MINAR1: variants seen among roughly 807,000 people sequenced by gnomAD.
The protein encoded by MINAR1 is major intrinsically disordered Notch2-binding receptor 1.
MINAR1 carries 40 observed loss-of-function variants against 65.1 expected under a neutral mutation model. The ratio of observed to expected loss-of-function variants is 0.61; its 90% confidence interval spans 0.48 to 0.80. The LOEUF (loss-of-function observed/expected upper bound fraction) is 0.80. MINAR1 is among the 30% of genes least tolerant of loss of function. The pLI, the probability that MINAR1 is intolerant of heterozygous loss-of-function variation, is 0.00. For synonymous variants in MINAR1, 482 were observed against 449.1 expected (o/e 1.07, Z -0.93); for missense variants, 1,128 against 1,148.0 (o/e 0.98, Z 0.25).
Position 79,471,413 on chromosome 15 carries a change from A to G in MINAR1, c.*3029A>G, listed in dbSNP as rs1459537635. The G allele has an allele frequency of 6.6e-6, 1 of 152,668 alleles. No individual in the cohort carries two copies. The highest frequency in any genetic ancestry group is 2.4e-5 in the African/African-American group (1 of 41,458). The allele number at this position is 152,668 out of a possible 1,614,324, so 9.5% of individuals were successfully genotyped here. Reference sequence around the variant, plus strand: ...GAATTTGTTTTGAACACAGCCTTGCAGAAAAGCAAAAAATATTTCCCCGCT... The same window carrying G: ...GAATTTGTTTTGAACACAGCCTTGCGGAAAAGCAAAAAATATTTCCCCGCT... On this transcript the variant is annotated 3_prime_UTR_variant, in exon 4 of 4. Transcript: ENST00000305428.
At chr15:79,444,097 G>T (rs899430797) in intron 1 of MINAR1, among the ~76,000 whole-genome samples, 12 of 152,148 alleles carry the variant, frequency 7.9e-5, no homozygotes, top group African/African-American at 2.9e-4. Flanking sequence ...GTTAAGGCCC[G>T]GGTTCACACA....
At chr15:79,417,494 A>G in the MINAR1 span, 1 of 152,148 alleles carries the variant, frequency 6.6e-6, no homozygotes, top group Non-Finnish European at 1.5e-5. Context: ...TTAGTGTCTG[A>G]CTTTGTGTGG....
the MINAR1 span, chr15:79,420,902 C>G: frequency 6.6e-6 from 1 of 152,306 alleles, no homozygotes. Flanking sequence ...TCCAGGAGCT[C>G]CAGCTCTAAG....
chr15:79,432,825 C>T (rs1490228013), intron 1 of MINAR1, among the ~76,000 whole-genome samples: 2 of 152,110 alleles, frequency 1.3e-5, no homozygotes, highest in Admixed American at 6.5e-5. Context: ...AGAGAAGCCA[C>T]GGAAGATGAT....
At chr15:79,413,522 C>T in the MINAR1 span, 1 of 152,244 alleles carries the variant, frequency 6.6e-6, no homozygotes, top group Non-Finnish European at 1.5e-5. Flanking sequence ...AAAATACACA[C>T]ATGGTGAGGT....
chr15:79,462,612 G>A (rs969542350), intron 2 of MINAR1, among the ~76,000 whole-genome samples: 3 of 151,438 alleles, frequency 2.0e-5, no homozygotes, highest in Admixed American at 6.6e-5. Context: ...GAAAGGACCC[G>A]TATCTTTTAC....
rs781706546 is a variant in MINAR1, at chr15:79,457,204, C to G, written c.1057C>G (p.Arg353Gly). ...TPVMGTQEARRCLGKPNKQTP... is the reference protein window; with the variant it reads ...TPVMGTQEARGCLGKPNKQTP... The stretch of plus-strand genomic sequence containing the variant: ...CGTGATGGGAACCCAAGAAGCCAGG[C>G]GCTGTCTAGGGAAGCCCAACAAGCA... Residue 353 changes from arginine to glycine, a missense_variant, in exon 2 of 4, where the codon CGC becomes GGC. Transcript: ENST00000305428. 1 of 1,614,050 alleles carries G rather than the reference C, an allele frequency of 6.2e-7. No individual in the cohort carries two copies. The highest frequency in any genetic ancestry group is 1.7e-5 in the Admixed American group (1 of 60,016).
upstream of MINAR1, among the ~76,000 whole-genome samples, chr15:79,428,357 C>CCTT (rs140293279): frequency 0.36 from 36,198 of 100,246 alleles, 8,136 homozygotes; most frequent in African/African-American, 0.45. Flanking sequence ...CTCCTTGCCT[C>CCTT]CTTTTCTTCT....
At chr15:79,442,006 A>T (rs2141280976) in intron 1 of MINAR1, among the ~76,000 whole-genome samples, 2 of 151,014 alleles carry the variant, frequency 1.3e-5, no homozygotes, top group African/African-American at 4.8e-5. Flanking sequence ...GCTTTCAATG[A>T]AATGCAAGAA....
At chr15:79,441,825 T>C (rs936305150) in intron 1 of MINAR1, among the ~76,000 whole-genome samples, 2 of 151,556 alleles carry the variant, frequency 1.3e-5, no homozygotes, top group Non-Finnish European at 2.9e-5. Context: ...ACTTTTCCAC[T>C]TAGAAAGAAA....
At position 79,456,246 on chromosome 15, in the gene MINAR1, T is replaced by C. The variant is rs1895405821; in HGVS notation, c.99T>C (p.Ser33=). The change falls in exon 2 of 4, where the codon TCT becomes TCC. Residue 33 remains serine, a synonymous_variant. Transcript: ENST00000305428. ...NTVSYQDLCK[S]LCARFDLSQL... ...TTTCTTATCAGGACCTGTGCAAATC[T>C]CTCTGTGCCCGGTTCGACCTGTCGC... 1 of 1,614,008 alleles carries C rather than the reference T, an allele frequency of 6.2e-7. No homozygotes were observed. The highest frequency in any genetic ancestry group is 1.3e-5 in the African/African-American group (1 of 74,898).
chr15:79,434,897 A>G (rs868382158), intron 1 of MINAR1, among the ~76,000 whole-genome samples: 1 of 149,532 alleles, frequency 6.7e-6, no homozygotes, highest in South Asian at 2.1e-4. Context: ...AAAATGAGAG[A>G]GTATCAGACT....
intron 2 of MINAR1, among the ~76,000 whole-genome samples, chr15:79,459,775 T>C (rs1895580811): frequency 6.6e-6 from 1 of 152,194 alleles, no homozygotes; most frequent in African/African-American, 2.4e-5. Flanking sequence ...TGTCTGCTGG[T>C]TACTGCTGTG....
chr15:79,452,714 G>GT lies in MINAR1; in HGVS notation c.-50-3384_-50-3383insT, dbSNP rs1895267474. Among the ~76,000 whole-genome samples, 11 of 89,192 alleles carry GT rather than the reference G, an allele frequency of 1.2e-4. No individual in the cohort carries two copies. In the South Asian group the frequency reaches 2.6e-3, roughly 21 times the overall value. 58.5% of individuals were successfully genotyped at this position (89,192 alleles called of 152,430 possible). ...TGTGTGGGTGTCTGGATGAGTGTGT[G>GT]GGTGTGGGTGAGTCTGTGTGGGTGT... On this transcript the variant is annotated intron_variant, in intron 1 of 3. Transcript: ENST00000305428.
At chr15:79,436,128 C>T (rs915951282) in intron 1 of MINAR1, among the ~76,000 whole-genome samples, 58 of 152,350 alleles carry the variant, frequency 3.8e-4, no homozygotes, top group Non-Finnish European at 1.6e-4. Context: ...TGGAGCAGAG[C>T]TTCTTGCTGA....
intron 1 of MINAR1, among the ~76,000 whole-genome samples, chr15:79,432,784 C>T (rs926801775): frequency 1.3e-5 from 2 of 152,092 alleles, no homozygotes; most frequent in African/African-American, 4.8e-5. Flanking sequence ...GGGGCGGGGC[C>T]GCACCTGGTG....
Position 79,449,394 on chromosome 15 carries a change from G to C in MINAR1, c.-50-6704G>C, listed in dbSNP as rs113440152. Among the ~76,000 whole-genome samples the C allele has an allele frequency of 7.4e-4, 113 of 152,302 alleles. 3 individuals carry two copies. Among genetic ancestry groups the C allele is most frequent in the South Asian group, 1.7e-3 (8 of 4,824 alleles). Reference sequence around the variant, plus strand: ...TGCTATAACAGAATACATGAGACTAGGTAATTTATAAGGAACAGAAATTTA... The same window carrying C: ...TGCTATAACAGAATACATGAGACTACGTAATTTATAAGGAACAGAAATTTA... On this transcript the variant is annotated intron_variant, in intron 1 of 3. Transcript: ENST00000305428.
intron 1 of MINAR1, among the ~76,000 whole-genome samples, chr15:79,450,818 G>A (rs1595940921): frequency 6.6e-6 from 1 of 152,302 alleles, no homozygotes; most frequent in East Asian, 1.9e-4. Flanking sequence ...AACCTGCAGA[G>A]GGTGCTGTGA....
At chr15:79,433,471 C>T (rs1894509782) in intron 1 of MINAR1, among the ~76,000 whole-genome samples, 1 of 152,182 alleles carries the variant, frequency 6.6e-6, no homozygotes, top group Non-Finnish European at 1.5e-5. Context: ...CTGCTATAAA[C>T]AATGTACATC....
Sources: allele counts gnomAD v4.1 joint callset (sites outside exome capture counted in the v4.1 genomes callset), GRCh38; gene constraint gnomAD v4.1.1; transcripts MANE v1.5; gene names NCBI Gene and HGNC (gene_info 2026-07-23, HGNC 2026-07-21).